Variants in INPP4B observed in about 807,000 individuals in gnomAD.
The protein encoded by INPP4B is inositol polyphosphate 4-phosphatase type II.
A neutral mutation model predicts 122.5 loss-of-function variants in INPP4B; 55 were observed. The ratio of observed to expected loss-of-function variants is 0.45; its 90% CI spans 0.36 to 0.56. The LOEUF (loss-of-function observed/expected upper bound fraction) is 0.56. Ranked by LOEUF, INPP4B falls within the 20% of genes least tolerant of loss-of-function variation. The pLI, the probability that INPP4B is intolerant of heterozygous loss-of-function variation, is 0.00. For missense variants in INPP4B, 1,000 were observed against 1,097.7 expected, an observed-to-expected ratio of 0.91 and a Z score of 1.26; for synonymous variants, 403 against 388.7, an observed-to-expected ratio of 1.04 and a Z score of -0.43.
At chr4:142,181,172 T>C (rs1830600704) in intron 15 of INPP4B, among the ~76,000 whole-genome samples, 1 of 152,190 alleles carries the variant, frequency 6.6e-6, no homozygotes, top group African/African-American at 2.4e-5. Context: ...ATGAATATCC[T>C]GAGGACAGCT....
At chr4:142,407,716 C>T (rs1803738418) in intron 5 of INPP4B, among the ~76,000 whole-genome samples, 3 of 152,044 alleles carry the variant, frequency 2.0e-5, no homozygotes, top group Admixed American at 2.0e-4. Flanking sequence ...AGCATGATAT[C>T]CTGGAGAGAA....
At chr4:142,306,983 T>C (rs1473318860) in intron 8 of INPP4B, among the ~76,000 whole-genome samples, 2 of 152,124 alleles carry the variant, frequency 1.3e-5, no homozygotes, top group East Asian at 3.9e-4. Flanking sequence ...GACTTAAAAT[T>C]CAAAGACCTG....
At chr4:142,667,894 T>C (rs1560941290) in intron 2 of INPP4B, among the ~76,000 whole-genome samples, 1 of 152,184 alleles carries the variant, frequency 6.6e-6, no homozygotes, top group Non-Finnish European at 1.5e-5. Context: ...TAAGAAGAGA[T>C]TGAATTAGTA....
chr4:142,067,590 T>C (rs1372888920), intron 25 of INPP4B, among the ~76,000 whole-genome samples: 1 of 152,106 alleles, frequency 6.6e-6, no homozygotes, highest in Admixed American at 6.6e-5. Flanking sequence ...TGAAAAAAGA[T>C]TAGATGAATG....
intron 12 of INPP4B, among the ~76,000 whole-genome samples, chr4:142,209,720 G>A (rs1310648090): frequency 7.0e-6 from 1 of 142,726 alleles, no homozygotes; most frequent in Non-Finnish European, 1.5e-5. Flanking sequence ...TTGAACTCAG[G>A]AGGTGGAAGT....
intron 11 of INPP4B, among the ~76,000 whole-genome samples, chr4:142,254,014 G>A (rs548603217): frequency 3.6e-5 from 5 of 139,206 alleles, no homozygotes; most frequent in Admixed American, 1.6e-4. Context: ...ATCTGAGAAC[G>A]GGCAGACTGC....
intron 7 of INPP4B, among the ~76,000 whole-genome samples, chr4:142,343,200 A>G (rs1273418444): frequency 6.6e-6 from 1 of 152,144 alleles, no homozygotes; most frequent in Non-Finnish European, 1.5e-5. Context: ...TTTGAATATT[A>G]CCAGCATAGG....
At chr4:142,214,257 C>A (rs1251280134) in intron 12 of INPP4B, among the ~76,000 whole-genome samples, 3 of 152,106 alleles carry the variant, frequency 2.0e-5, no homozygotes, top group Non-Finnish European at 2.9e-5. Context: ...CATTCTAGAA[C>A]TCTAAAGGTC....
chr4:142,157,676 C>T (rs1406070736), intron 17 of INPP4B, among the ~76,000 whole-genome samples: 1 of 152,010 alleles, frequency 6.6e-6, no homozygotes, highest in Non-Finnish European at 1.5e-5. Flanking sequence ...AGACTTTTTT[C>T]CTGGTGTTAA....
intron 2 of INPP4B, among the ~76,000 whole-genome samples, chr4:142,505,503 A>G (rs539601500): frequency 6.6e-6 from 1 of 152,072 alleles, no homozygotes; most frequent in Admixed American, 6.6e-5. Context: ...TGCATTTTTC[A>G]CTTTTTCAGG....
At position 142,429,295 on chromosome 4, in the gene INPP4B, C is replaced by T. The variant is rs75044632; in HGVS notation, c.92-78G>A. On this transcript the variant is annotated intron_variant, in intron 4 of 25. Transcript: ENST00000262992. ...TATGTCAATATATATTACTATGCTT[C>T]ATTGTGACCAGAATGAATAAAGACA... is the stretch of plus-strand genomic sequence containing the variant. 4,900 of 732,150 alleles carry T rather than the reference C, an allele frequency of 6.7e-3. 186 individuals carry two copies. In the African/African-American group the frequency reaches 0.078, roughly 12 times the overall value. 45.4% of individuals were successfully genotyped at this position (732,150 alleles called of 1,614,324 possible).
rs569115380 is a variant in INPP4B at position 142,086,980 on chromosome 4, T to C, written c.2375-724A>G. Among the ~76,000 whole-genome samples, 461 of 152,312 alleles carry C rather than the reference T, an allele frequency of 3.0e-3. 1 individual carries two copies. The highest frequency in any genetic ancestry group is 9.1e-3 in the South Asian group (44 of 4,822). ...GAACAACTCAGGGTTGGGAGAAATC[T>C]GAAAGTTCAAATAAGACACATGAAA... On this transcript the variant is annotated intron_variant, in intron 23 of 25. Coordinates refer to ENST00000262992, the MANE Select transcript of INPP4B (RefSeq NM_001101669.3).
intron 25 of INPP4B, among the ~76,000 whole-genome samples, chr4:142,046,442 G>A (rs550420802): frequency 1.3e-5 from 2 of 152,120 alleles, no homozygotes; most frequent in Admixed American, 1.3e-4. Context: ...TCTTGTGAAA[G>A]CCAAATTGGT....
At chr4:142,310,701 A>G (rs769886392) in intron 8 of INPP4B, among the ~76,000 whole-genome samples, 28 of 150,026 alleles carry the variant, frequency 1.9e-4, no homozygotes, top group Non-Finnish European at 3.1e-4. Flanking sequence ...TCTGTTAACC[A>G]TAACAGGTAT....
At chr4:142,656,672 A>G (rs1754204674) in intron 2 of INPP4B, among the ~76,000 whole-genome samples, 2 of 152,164 alleles carry the variant, frequency 1.3e-5, no homozygotes, top group African/African-American at 2.4e-5. Flanking sequence ...AATTAAGCTT[A>G]AACTTGTCTC....
chr4:142,123,197 G>A, intron 20 of INPP4B, 95 bp downstream of exon 20: 1 of 1,045,492 alleles, frequency 9.6e-7, no homozygotes, highest in East Asian at 2.6e-5. Flanking sequence ...GCACAATAAA[G>A]GTTTACTTAT....
Position 142,123,486 on chromosome 4 carries a change from G to GA in INPP4B, c.1894-72dup, listed in dbSNP as rs1357364958. 2.1e-6 allele frequency: 3 copies of GA among 1,447,026 alleles called. No individual in the cohort carries two copies. In the East Asian group the frequency reaches 7.0e-5, roughly 34 times the overall value. 89.6% of individuals were successfully genotyped at this position (1,447,026 alleles called of 1,614,324 possible). Reference sequence around the variant, plus strand: ...TTTGTTTTATTTTGAAATATTTTAAGACTTCTGAGGCATCACAGATTCGAT... The same window carrying GA: ...TTTGTTTTATTTTGAAATATTTTAAGAACTTCTGAGGCATCACAGATTCGAT... On this transcript the variant is annotated intron_variant, in intron 19 of 25. Transcript: ENST00000262992.
intron 7 of INPP4B, among the ~76,000 whole-genome samples, chr4:142,345,393 T>A (rs1049734270): frequency 6.6e-6 from 1 of 151,980 alleles, no homozygotes. Context: ...GGGAAAATAC[T>A]GTCGAAAAAT....
chr4:142,747,077 G>C (rs1193095404), intron 1 of INPP4B, among the ~76,000 whole-genome samples: 5 of 152,102 alleles, frequency 3.3e-5, no homozygotes, highest in Admixed American at 6.6e-5. Flanking sequence ...TCATCAGAGT[G>C]AACAGGCAAC....
Sources: gnomAD v4.1 joint callset for allele counts (sites outside exome capture counted in the v4.1 genomes callset) on GRCh38, gnomAD v4.1.1 for gene constraint, MANE v1.5 for transcripts, NCBI Gene and HGNC (gene_info 2026-07-23, HGNC 2026-07-21) for gene names.